Variants in SLC14A2 observed in about 807,000 individuals in gnomAD.
SLC14A2 encodes urea transporter 2.
In SLC14A2, 91 loss-of-function variants were observed where a neutral mutation model predicts 104.6. That is an observed-to-expected ratio of 0.87 (90% CI 0.73 to 1.04). The LOEUF is 1.04. SLC14A2 is among the 50% of genes least tolerant of loss of function. SLC14A2 has a pLI of 0.00. For synonymous variants in SLC14A2, 476 were observed against 466.4 expected, an observed-to-expected ratio of 1.02 and a Z score of -0.27; for missense variants, 1,189 against 1,156.0, an observed-to-expected ratio of 1.03 and a Z score of -0.41.
At chr18:45,447,681 C>T (rs2086792213) in intron 1 of SLC14A2, 1 of 152,064 alleles carries the variant, frequency 6.6e-6, no homozygotes, top group South Asian at 2.1e-4. Flanking sequence ...TTTATCATTG[C>T]TTTAGTATTT....
chr18:45,300,319 A>C (rs1465211927), intron 1 of SLC14A2, among the ~76,000 whole-genome samples: 1 of 152,184 alleles, frequency 6.6e-6, no homozygotes, highest in African/African-American at 2.4e-5. Context: ...AGTGGAAGGC[A>C]CTAAGGCTTA....
rs1568004849 is a variant in SLC14A2 at position 45,673,020 on chromosome 18, A to G, written c.2350A>G (p.Ile784Val). ...SSPLICLHAA[I>V]GSTMGMLAAL... ...ACCTCTCATTTGCTTGCATGCAGCA[A>G]TTGGATCCACCATGGGGATGCTAGC... Residue 784 changes from isoleucine to valine, a missense_variant, in exon 17 of 20, where the codon ATT becomes GTT. Ile to Val is a conservative substitution (Grantham distance 29). Coordinates refer to ENST00000255226, the MANE Select transcript of SLC14A2 (RefSeq NM_007163.4). The G allele has an allele frequency of 6.2e-7, 1 of 1,614,158 alleles. No homozygotes were observed. The highest frequency in any genetic ancestry group is 8.5e-7 in the Non-Finnish European group (1 of 1,180,016).
chr18:45,332,733 G>A (rs1455611043), intron 1 of SLC14A2, among the ~76,000 whole-genome samples: 2 of 152,230 alleles, frequency 1.3e-5, no homozygotes, highest in African/African-American at 4.8e-5. Context: ...ATCTTGGCCT[G>A]CAGAGACATT....
At chr18:45,345,662 G>T (rs576864722) in intron 1 of SLC14A2, among the ~76,000 whole-genome samples, 6 of 152,222 alleles carry the variant, frequency 3.9e-5, no homozygotes, top group Non-Finnish European at 5.9e-5. Context: ...TATTTATCCA[G>T]ATCTATCAAT....
At position 45,297,715 on chromosome 18, in the gene SLC14A2, A is replaced by G. The variant is rs116272635; in HGVS notation, c.-125+84524A>G. 5.6e-3 allele frequency among the ~76,000 whole-genome samples: 850 copies of G among 152,332 alleles called. 8 individuals are homozygous for G. Among genetic ancestry groups the G allele is most frequent in the African/African-American group, 0.019 (807 of 41,582 alleles). On this transcript the variant is annotated intron_variant, in intron 1 of 20. Transcript: ENST00000586448. ...CATGTTCTAAACTTTAAATTGTTAA[A>G]CATGTTAGAGTCAGTTCCTGAATGA...
chr18:45,413,260 G>A (rs144557894), intron 1 of SLC14A2, among the ~76,000 whole-genome samples: 13 of 152,140 alleles, frequency 8.5e-5, no homozygotes, highest in African/African-American at 1.2e-4. Flanking sequence ...AATTTGTTGC[G>A]GAGAATCTCC....
At chr18:45,168,722 T>G in the SLC14A2 span, 1 of 152,238 alleles carries the variant, frequency 6.6e-6, no homozygotes, top group East Asian at 1.9e-4. Context: ...GATGAAGCAC[T>G]CAAATCAGGG....
intron 1 of SLC14A2, among the ~76,000 whole-genome samples, chr18:45,217,064 C>A (rs575136533): frequency 6.6e-6 from 1 of 152,110 alleles, no homozygotes; most frequent in East Asian, 1.9e-4. Context: ...CCAAGCTTGA[C>A]TTTCATAACC....
chr18:45,564,038 G>C (rs2044237165), intron 2 of SLC14A2, among the ~76,000 whole-genome samples: 1 of 152,188 alleles, frequency 6.6e-6, no homozygotes, highest in Admixed American at 6.5e-5. Context: ...CGTATAATGA[G>C]TTTTATGTTA....
chr18:45,200,632 T>C, the SLC14A2 span, among the ~76,000 whole-genome samples: 1 of 152,210 alleles, frequency 6.6e-6, no homozygotes, highest in African/African-American at 2.4e-5. Context: ...AAAGTTACTT[T>C]GGGTAAACTC....
upstream of SLC14A2, among the ~76,000 whole-genome samples, chr18:45,208,498 A>G (rs959050448): frequency 6.6e-6 from 1 of 152,182 alleles, no homozygotes; most frequent in East Asian, 1.9e-4. Context: ...GGAACGTGCA[A>G]TATGTTGAGA....
At chr18:45,217,862 A>G (rs1209169886) in intron 1 of SLC14A2, among the ~76,000 whole-genome samples, 1 of 152,152 alleles carries the variant, frequency 6.6e-6, no homozygotes, top group African/African-American at 2.4e-5. Context: ...TTTACCTCCT[A>G]TATCACAGAA....
chr18:45,640,266 A>G (rs945783094), intron 7 of SLC14A2, among the ~76,000 whole-genome samples: 1 of 150,408 alleles, frequency 6.6e-6, no homozygotes, highest in Non-Finnish European at 1.5e-5. Context: ...ATAGAGTGAG[A>G]CTCCGTCTTA....
chr18:45,543,930 A>G (rs11082452), intron 2 of SLC14A2, among the ~76,000 whole-genome samples: 1 of 152,118 alleles, frequency 6.6e-6, no homozygotes, highest in Non-Finnish European at 1.5e-5. Flanking sequence ...GGTGGCTATG[A>G]GGCCAGCCCC....
chr18:45,639,277 C>T lies in SLC14A2; in HGVS notation c.844-469C>T, dbSNP rs539627927. 5.7e-4 allele frequency among the ~76,000 whole-genome samples: 87 copies of T among 152,320 alleles called. 1 individual carries two copies. Among genetic ancestry groups the T allele is most frequent in the Non-Finnish European group, 2.9e-5 (2 of 68,032 alleles). ...CCTCAGACCTGAGCTAGGGGTCAAG[C>T]TCAGAGCCTCTAGCCTGCACTTGAC... On this transcript the variant is annotated intron_variant, in intron 6 of 19. Coordinates refer to ENST00000255226, the MANE Select transcript of SLC14A2 (RefSeq NM_007163.4).
chr18:45,326,366 A>G (rs146071165), intron 1 of SLC14A2, among the ~76,000 whole-genome samples: 107 of 152,268 alleles, frequency 7.0e-4, no homozygotes, highest in African/African-American at 2.5e-3. Context: ...TGGATTCTCT[A>G]TATCTTCTCA....
chr18:45,502,387 C>T (rs962209300), intron 2 of SLC14A2, among the ~76,000 whole-genome samples: 12 of 152,210 alleles, frequency 7.9e-5, no homozygotes, highest in African/African-American at 1.9e-4. Flanking sequence ...CATCTCATCC[C>T]GGTAACCCAG....
chr18:45,291,825 G>T (rs1334888153), intron 1 of SLC14A2, among the ~76,000 whole-genome samples: 2 of 151,898 alleles, frequency 1.3e-5, no homozygotes, highest in African/African-American at 4.8e-5. Context: ...TTCTCCGGGG[G>T]CGGTTGGGGG....
intron 2 of SLC14A2, among the ~76,000 whole-genome samples, chr18:45,523,465 G>A (rs1300839429): frequency 1.3e-5 from 2 of 149,878 alleles, no homozygotes; most frequent in Non-Finnish European, 3.0e-5. Context: ...GAGTAGCTGG[G>A]ATTCCAGGCA....
Sources: allele counts gnomAD v4.1 joint callset (sites outside exome capture counted in the v4.1 genomes callset), GRCh38; gene constraint gnomAD v4.1.1; transcripts MANE v1.5; gene names NCBI Gene and HGNC (gene_info 2026-07-23, HGNC 2026-07-21).